RAB35: variants seen among roughly 807,000 people sequenced by gnomAD.
The protein encoded by RAB35 is RAB35, member RAS oncogene family.
Under a neutral mutation model 28.9 loss-of-function variants are expected in RAB35, and 4 were observed. The ratio of observed to expected loss-of-function variants is 0.14; its 90% confidence interval spans 0.07 to 0.32. The LOEUF (loss-of-function observed/expected upper bound fraction) is 0.32, where lower values mean the gene tolerates loss of function less well. Ranked by LOEUF, RAB35 falls within the 10% of genes least tolerant of loss-of-function variation. The pLI is 1.00. For missense variants in RAB35, 128 were observed against 274.0 expected (o/e 0.47, Z 3.76); for synonymous variants, 99 against 105.1 (o/e 0.94, Z 0.35).
At chr12:120,108,255 G>A (rs139011006) in intron 2 of RAB35, among the ~76,000 whole-genome samples, 162 bp downstream of exon 2, 57 of 152,212 alleles carry the variant, frequency 3.7e-4, no homozygotes, top group African/African-American at 1.1e-3. Flanking sequence ...TGACAGAAGC[G>A]CCACAAGGTC....
rs767421298 is a variant in RAB35, at chr12:120,098,913, A to G, written c.375T>C (p.Pro125=). 6.6e-5 allele frequency: 107 copies of G among 1,614,116 alleles called. No individual in the cohort carries two copies. The highest frequency in any genetic ancestry group is 8.7e-5 in the Non-Finnish European group (103 of 1,180,044). Residue 125 remains proline (P), a synonymous_variant, in exon 5 of 6, where the codon CCT becomes CCC. Transcript: ENST00000229340. ...CTTCCGTCTCCACCACCTTCCGCTC[A>G]GGGTCGTCATTCTTATTACCCACTT... is the stretch of plus-strand genomic sequence containing the variant. The part of the protein sequence containing the change: ...RILVGNKNDD[P]ERKVVETEDA...
At chr12:120,110,911 G>A (rs1876091408) in intron 1 of RAB35, among the ~76,000 whole-genome samples, 1 of 152,188 alleles carries the variant, frequency 6.6e-6, no homozygotes, top group South Asian at 2.1e-4. Flanking sequence ...AGGAGAGCCC[G>A]AGTCCCGGGT....
chr12:120,108,498 G>T, intron 1 of RAB35, 31 bp from the exon 2 acceptor site: 1 of 1,604,470 alleles, frequency 6.2e-7, no homozygotes, highest in South Asian at 1.1e-5. Flanking sequence ...CGATGAGGGG[G>T]GCAGGTGGGT....
In RAB35 at chr12:120,096,726, G is replaced by T. The variant is rs1447996000; in HGVS notation, c.*519C>A. The T allele has an allele frequency of 7.8e-7, 1 of 1,289,982 alleles. No individual in the cohort carries two copies. The highest frequency in any genetic ancestry group is 1.0e-6 in the Non-Finnish European group (1 of 988,940). The allele number at this position is 1,289,982 out of a possible 1,614,324, so 79.9% of individuals were successfully genotyped here. A position where few individuals can be genotyped will look rare whatever the true frequency, so the allele number is the denominator to read the frequency against. On this transcript the variant is annotated 3_prime_UTR_variant, in exon 6 of 6. Transcript: ENST00000229340. ...GAGAAGGGGCAAGACCCTGTGCAGC[G>T]GGGACAGAGGCTGACAACCTGTCGG...
intron 3 of RAB35, among the ~76,000 whole-genome samples, chr12:120,100,733 C>T (rs1045972552): frequency 1.8e-4 from 27 of 152,222 alleles, no homozygotes; most frequent in Admixed American, 1.2e-3. Context: ...TCCAGGGCAG[C>T]GTCGCTCCTT....
chr12:120,107,138 A>G (rs567262858), intron 2 of RAB35, among the ~76,000 whole-genome samples: 50 of 151,574 alleles, frequency 3.3e-4, no homozygotes, highest in East Asian at 2.4e-3. Context: ...ATAGGTATGC[A>G]CCACCACGCC....
At chr12:120,106,159 G>C (rs1402764761) in intron 2 of RAB35, among the ~76,000 whole-genome samples, 2 of 152,156 alleles carry the variant, frequency 1.3e-5, no homozygotes, top group Admixed American at 1.3e-4. Context: ...GGAAGAGATT[G>C]CAACAACAAG....
intron 3 of RAB35, among the ~76,000 whole-genome samples, chr12:120,101,313 C>T (rs1460692314): frequency 6.6e-6 from 1 of 152,196 alleles, no homozygotes; most frequent in African/African-American, 2.4e-5. Context: ...CTGAGTGCAG[C>T]GGCCAGCTGG....
chr12:120,110,290 A>ATTTTTTTTTTGTTTTTTTTTT (rs1876062776), intron 1 of RAB35, among the ~76,000 whole-genome samples: 1 of 88,596 alleles, frequency 1.1e-5, no homozygotes, highest in African/African-American at 5.0e-5. Flanking sequence ...AGCCCACAGC[A>ATTTTTTTTTTGTTTTTTTTTT]TTTTTTTTTT....
Position 120,096,963 on chromosome 12 carries a change from G to C in RAB35, c.*282C>G. 1 of 1,432,824 alleles carries C rather than the reference G, an allele frequency of 7.0e-7. No homozygotes were observed. The highest frequency in any genetic ancestry group is 2.1e-5 in the Admixed American group (1 of 47,654). The allele number at this position is 1,432,824 out of a possible 1,614,324, so 88.8% of individuals were successfully genotyped here. The stretch of plus-strand genomic sequence containing the variant: ...GGTAGAGCAATATACACTATGTACA[G>C]ACTCTGCGAATCAGTCCGCTCGGCG... On this transcript the variant is annotated 3_prime_UTR_variant, in exon 6 of 6. Coordinates refer to ENST00000229340, the MANE Select transcript of RAB35 (RefSeq NM_006861.7).
At chr12:120,109,377 C>T (rs532567302) in intron 1 of RAB35, among the ~76,000 whole-genome samples, 2 of 152,094 alleles carry the variant, frequency 1.3e-5, no homozygotes, top group East Asian at 1.9e-4. Context: ...CACTTGAACC[C>T]GGGAGGCGGA....
In RAB35 at chr12:120,099,115, G is replaced by A. The variant is rs745459870; in HGVS notation, c.267C>T (p.Asp89=). 1.4e-5 allele frequency: 23 copies of A among 1,614,152 alleles called. No individual in the cohort carries two copies. Among genetic ancestry groups the A allele is most frequent in the Middle Eastern group, 1.6e-4 (1 of 6,084 alleles). ...RGTHGVIVVY[D]VTSAESFVNV... is the part of the protein sequence containing the mutation. ...TGACAAAGGACTCGGCACTGGTGAC[G>A]TCGTAAACCACAATGACCCCGTGGG... Residue 89 remains aspartate, a synonymous_variant, in exon 4 of 6, where the codon GAC becomes GAT. Transcript: ENST00000229340.
chr12:120,096,775 A>G lies in RAB35; in HGVS notation c.*470T>C, dbSNP rs1249016839. ...GGAGAGAATGAGCAACGCGGAGCCCACTCCACTGGCACGGGCTGGCCGCAG... is the reference window on the plus strand; with the variant it reads ...GGAGAGAATGAGCAACGCGGAGCCCGCTCCACTGGCACGGGCTGGCCGCAG... On this transcript the variant is annotated 3_prime_UTR_variant, in exon 6 of 6. Coordinates refer to ENST00000229340, the MANE Select transcript of RAB35 (RefSeq NM_006861.7). 7.0e-6 allele frequency: 9 copies of G among 1,290,224 alleles called. No individual in the cohort carries two copies. The highest frequency in any genetic ancestry group is 1.5e-5 in the African/African-American group (1 of 65,840). 79.9% of individuals were successfully genotyped at this position (1,290,224 alleles called of 1,614,324 possible).
At chr12:120,105,711 CAGG>C (rs1421853598) in intron 2 of RAB35, among the ~76,000 whole-genome samples, 1 of 151,958 alleles carries the variant, frequency 6.6e-6, no homozygotes, top group East Asian at 1.9e-4. Context: ...ATCACGAGGT[CAGG>C]AGATCAAGAC....
chr12:120,102,424 C>CTG (rs1160823244), intron 3 of RAB35, among the ~76,000 whole-genome samples: 3 of 152,344 alleles, frequency 2.0e-5, no homozygotes, highest in East Asian at 3.9e-4. Flanking sequence ...GCTGCCAAGA[C>CTG]ATGCAGGCCA....
chr12:120,097,114 T>C lies in RAB35; in HGVS notation c.*131A>G. On this transcript the variant is annotated 3_prime_UTR_variant, in exon 6 of 6. Coordinates refer to ENST00000229340, the MANE Select transcript of RAB35 (RefSeq NM_006861.7). Reference sequence around the variant, plus strand: ...CGGGGGAGGAAGTGCCGATGGCACCTCCCGATACAAAAACATGGAGAGAAT... The same window carrying C: ...CGGGGGAGGAAGTGCCGATGGCACCCCCCGATACAAAAACATGGAGAGAAT... 6 of 1,596,962 alleles carry C rather than the reference T, an allele frequency of 3.8e-6. No homozygotes were observed. The highest frequency in any genetic ancestry group is 5.1e-6 in the Non-Finnish European group (6 of 1,175,744).
chr12:120,116,720 G>A lies in RAB35; in HGVS notation c.-70C>T. 8 of 1,211,816 alleles carry A rather than the reference G, an allele frequency of 6.6e-6. No homozygotes were observed. Among genetic ancestry groups the A allele is most frequent in the African/African-American group, 1.6e-5 (1 of 63,622 alleles). 75.1% of individuals were successfully genotyped at this position (1,211,816 alleles called of 1,614,324 possible). A position where few individuals can be genotyped will look rare whatever the true frequency, so the allele number is the denominator to read the frequency against. ...CCTCGCGATCCGCAGCTCCCTTCGG[G>A]CTGCTCCGGCAGCGGCGGATCCACT... On this transcript the variant is annotated 5_prime_UTR_variant, in exon 1 of 6. Coordinates refer to ENST00000229340, the MANE Select transcript of RAB35 (RefSeq NM_006861.7).
Position 120,097,040 on chromosome 12 carries a change from A to G in RAB35, c.*205T>C, listed in dbSNP as rs1875439800. 6.6e-7 allele frequency: 1 copy of G among 1,521,178 alleles called. No homozygotes were observed. Among genetic ancestry groups the G allele is most frequent in the East Asian group, 2.5e-5 (1 of 39,612 alleles). 94.2% of individuals were successfully genotyped at this position (1,521,178 alleles called of 1,614,324 possible). A position where few individuals can be genotyped will look rare whatever the true frequency, so the allele number is the denominator to read the frequency against. ...CCTTGGCCGGGGAGGAGGGGGCACC[A>G]GTAGGGAAGGGCGGGCTGGTCCAAC... On this transcript the variant is annotated 3_prime_UTR_variant, in exon 6 of 6. Coordinates refer to ENST00000229340, the MANE Select transcript of RAB35 (RefSeq NM_006861.7).
chr12:120,112,059 C>A (rs1251382617), intron 1 of RAB35, among the ~76,000 whole-genome samples: 1 of 152,006 alleles, frequency 6.6e-6, no homozygotes, highest in Non-Finnish European at 1.5e-5. Context: ...TGGCTGCAAC[C>A]TCCACCTCCC....
Sources: allele counts gnomAD v4.1 joint callset (sites outside exome capture counted in the v4.1 genomes callset), GRCh38; gene constraint gnomAD v4.1.1; transcripts MANE v1.5; gene names NCBI Gene and HGNC (gene_info 2026-07-23, HGNC 2026-07-21).